Variants in UTP25 observed in about 807,000 individuals in gnomAD.
UTP25 encodes the protein U3 small nucleolar RNA-associated protein 25 homolog.
UTP25 carries 50 observed loss-of-function variants against 78.9 expected under a neutral mutation model. The observed-to-expected ratio is 0.63, with a 90% CI of 0.50 to 0.80. The LOEUF (loss-of-function observed/expected upper bound fraction) is 0.80, where lower values mean the gene tolerates loss of function less well. Among genes scored for constraint, UTP25 ranks in the 30% least tolerant of loss-of-function variants. The probability of loss-of-function intolerance (pLI) is 0.00; values close to 1 mark genes in which losing one functional copy is unlikely to be tolerated. For synonymous variants in UTP25, 329 were observed against 336.5 expected (o/e 0.98, Z 0.24); for missense variants, 846 against 911.3 (o/e 0.93, Z 0.92).
intron 3 of UTP25, among the ~76,000 whole-genome samples, chr1:209,832,561 A>T (rs2078108772): frequency 6.6e-6 from 1 of 152,192 alleles, no homozygotes; most frequent in African/African-American, 2.4e-5. Flanking sequence ...TTAATTCGAA[A>T]TCTCCAGAGA....
In UTP25 at chr1:209,841,063, T is replaced by C. The variant is rs760141968; in HGVS notation, c.1485+8T>C. 1.9e-6 allele frequency: 3 copies of C among 1,613,770 alleles called. No homozygotes were observed. In the South Asian group the frequency reaches 3.3e-5, roughly 18 times the overall value. On this transcript the variant is annotated splice_region_variant and intron_variant, in intron 8 of 11. Transcript: ENST00000491415. ...AACTGGGAGCATGTCCTGGTAATGC[T>C]GGCCATTCACATTCAGTGGGACAGT...
chr1:209,838,191 T>C (rs3753510), intron 6 of UTP25, among the ~76,000 whole-genome samples: 22,866 of 152,214 alleles, frequency 0.15, 2,194 homozygotes, highest in Non-Finnish European at 0.2. Flanking sequence ...CTATGAAACA[T>C]ATTATAATTT....
intron 4 of UTP25, among the ~76,000 whole-genome samples, chr1:209,833,930 G>A (rs1232911192): frequency 6.6e-6 from 1 of 152,198 alleles, no homozygotes; most frequent in Admixed American, 6.5e-5. Flanking sequence ...TTCTCAGCCA[G>A]TGTCTGGGTG....
At chr1:209,848,198 T>G (rs1208006479) in intron 11 of UTP25, among the ~76,000 whole-genome samples, 2 of 152,232 alleles carry the variant, frequency 1.3e-5, no homozygotes, top group African/African-American at 4.8e-5. Context: ...GTGATTTCAA[T>G]GTGCAGCAGT....
At chr1:209,828,259 C>T in intron 1 of UTP25, 89 bp downstream of exon 1, 1 of 969,588 alleles carries the variant, frequency 1.0e-6, no homozygotes, top group Non-Finnish European at 1.6e-6. Context: ...CTGCTCCGGC[C>T]TTTTCCCACT....
chr1:209,841,422 G>A (rs1169738340), intron 8 of UTP25, among the ~76,000 whole-genome samples: 1 of 152,166 alleles, frequency 6.6e-6, no homozygotes, highest in Non-Finnish European at 1.5e-5. Flanking sequence ...TCCCACATGT[G>A]GTTTTTGCTT....
chr1:209,842,787 A>AG lies in UTP25; in HGVS notation c.1781+92_1781+93insG, dbSNP rs527568108. 1.0e-5 allele frequency: 9 copies of AG among 857,258 alleles called. No homozygotes were observed. The African/African-American group carries it at 1.5e-4, about 14-fold the overall frequency. The allele number at this position is 857,258 out of a possible 1,614,324, so 53.1% of individuals were successfully genotyped here. A position where few individuals can be genotyped will look rare whatever the true frequency, so the allele number is the denominator to read the frequency against. On this transcript the variant is annotated intron_variant, in intron 10 of 11. Transcript: ENST00000491415. Reference sequence around the variant, plus strand: ...TAGAATTGGATTCCATTTTGCTTTTATTGATAACTACCAAATCAGTTGAGA... The same window carrying AG: ...TAGAATTGGATTCCATTTTGCTTTTAGTTGATAACTACCAAATCAGTTGAGA...
intron 3 of UTP25, among the ~76,000 whole-genome samples, chr1:209,832,201 A>G (rs1181225293): frequency 6.6e-6 from 1 of 152,070 alleles, no homozygotes; most frequent in African/African-American, 2.4e-5. Context: ...AGGGTAATAT[A>G]GTTACCCTCT....
Position 209,839,036 on chromosome 1 carries a change from G to T in UTP25, c.1190G>T (p.Gly397Val). 6.2e-7 allele frequency: 1 copy of T among 1,614,106 alleles called. No individual in the cohort carries two copies. Among genetic ancestry groups the T allele is most frequent in the Non-Finnish European group, 8.5e-7 (1 of 1,179,984 alleles). Residue 397 changes from glycine (G) to valine (V), a missense_variant, in exon 7 of 12, where the codon GGA becomes GTA. Gly to Val is a moderately radical substitution (Grantham distance 109). Coordinates refer to ENST00000491415, the MANE Select transcript of UTP25 (RefSeq NM_014388.7). ...AAAAAGAGGTTTCAGGGAGAATATG[G>T]ATCAGATCCCGAGGAGAGACCACCC... ...SNKKRFQGEY[G>V]SDPEERPPNL... is the part of the protein sequence containing the mutation.
intron 3 of UTP25, among the ~76,000 whole-genome samples, chr1:209,832,153 A>G (rs1049991963): frequency 6.6e-5 from 10 of 151,810 alleles, no homozygotes; most frequent in Non-Finnish European, 1.0e-4. Flanking sequence ...TTTTTTTATC[A>G]TTATAAAAAT....
intron 1 of UTP25, among the ~76,000 whole-genome samples, chr1:209,828,756 CAT>C (rs1491267149): frequency 2.0e-5 from 2 of 97,806 alleles, no homozygotes; most frequent in East Asian, 2.6e-4. Flanking sequence ...TGTAGACACA[CAT>C]ATATATATGT....
intron 7 of UTP25, 98 bp from the exon 8 acceptor site, chr1:209,840,755 T>A: frequency 9.0e-7 from 1 of 1,115,970 alleles, no homozygotes; most frequent in Non-Finnish European, 1.4e-6. Flanking sequence ...ACAAAAGAGA[T>A]GTGGAAGCAA....
chr1:209,837,671 C>T (rs1441332867), intron 6 of UTP25, among the ~76,000 whole-genome samples: 4 of 152,178 alleles, frequency 2.6e-5, no homozygotes, highest in African/African-American at 7.2e-5. Context: ...ATTCTCTTCA[C>T]TAAGCCACAT....
rs1040379187 is a variant in UTP25 at position 209,843,544 on chromosome 1, G to T, written c.1875G>T (p.Val625=). ...LIYIPSYFDF[V]RLRNYFKKEE... The stretch of plus-strand genomic sequence containing the variant: ...ATATCCCCTCCTACTTTGACTTCGT[G>T]CGTCTTCGAAATTACTTCAAGAAGG... The change falls in exon 11 of 12, where the codon GTG becomes GTT. Residue 625 remains valine, a synonymous_variant. Transcript: ENST00000491415. 6.2e-7 allele frequency: 1 copy of T among 1,614,120 alleles called. No individual in the cohort carries two copies. The highest frequency in any genetic ancestry group is 8.5e-7 in the Non-Finnish European group (1 of 1,180,014).
chr1:209,831,028 A>C lies in UTP25; in HGVS notation c.373A>C (p.Thr125Pro). Residue 125 changes from threonine (T) to proline (P), a missense_variant, in exon 3 of 12, where the codon ACT becomes CCT. Physicochemically the swap from Thr to Pro is conservative, Grantham distance 38. Transcript: ENST00000491415. The part of the protein sequence containing the change: ...SVEEEMAAES[T>P]ESPENVALSA... ...GGAAGAAGAGATGGCTGCAGAGTCT[A>C]CTGAAAGTCCAGAGAGTAAGTGTCT... is the stretch of plus-strand genomic sequence containing the variant. 1 of 1,614,164 alleles carries C rather than the reference A, an allele frequency of 6.2e-7. No homozygotes were observed. Among genetic ancestry groups the C allele is most frequent in the Non-Finnish European group, 8.5e-7 (1 of 1,180,002 alleles).
chr1:209,856,415 C>CT lies in UTP25; in HGVS notation c.*4972dup, dbSNP rs1471990386. On this transcript the variant is annotated 3_prime_UTR_variant, in exon 12 of 12. Coordinates refer to ENST00000491415, the MANE Select transcript of UTP25 (RefSeq NM_014388.7). ...TTCTTTAAAACTCAGAGGAGCACCA[C>CT]TTTTACCTTCTGCTCTTCCCTTTTT... 2 of 152,242 alleles carry CT rather than the reference C, an allele frequency of 1.3e-5. No individual in the cohort carries two copies. The highest frequency in any genetic ancestry group is 2.1e-4 in the South Asian group (1 of 4,836). The allele number at this position is 152,242 out of a possible 1,614,324, so 9.4% of individuals were successfully genotyped here.
At chr1:209,851,081 C>T in intron 11 of UTP25, 123 bp from the exon 12 acceptor site, 1 of 1,074,114 alleles carries the variant, frequency 9.3e-7, no homozygotes, top group Non-Finnish European at 1.3e-6. Context: ...GTTACTTGTG[C>T]CACTGTTTTT....
chr1:209,842,508 A>G (rs2078173031), intron 9 of UTP25, 61 bp downstream of exon 9: 1 of 1,611,100 alleles, frequency 6.2e-7, no homozygotes, highest in African/African-American at 1.3e-5. Flanking sequence ...TTGGGTCCTG[A>G]GGTAGAAGGA....
At chr1:209,843,871 T>A in intron 11 of UTP25, 175 bp downstream of exon 11, 1 of 852,080 alleles carries the variant, frequency 1.2e-6, no homozygotes, top group East Asian at 2.7e-5. Context: ...GTTGGTTAGT[T>A]GGTTTTCTCC....
Sources: allele counts gnomAD v4.1 joint callset (sites outside exome capture counted in the v4.1 genomes callset), GRCh38; gene constraint gnomAD v4.1.1; transcripts MANE v1.5; gene names NCBI Gene and HGNC (gene_info 2026-07-23, HGNC 2026-07-21).